Variants in SIPA1L3 observed in about 807,000 individuals in gnomAD.
SIPA1L3 encodes the protein signal-induced proliferation-associated 1-like protein 3.
SIPA1L3 carries 59 observed loss-of-function variants against 150.1 expected under a neutral mutation model. The observed-to-expected ratio is 0.39, with a 90% CI of 0.32 to 0.49. SIPA1L3 has a LOEUF of 0.49. Among genes scored for constraint, SIPA1L3 ranks in the 20% least tolerant of loss-of-function variants. The pLI, the probability that SIPA1L3 is intolerant of heterozygous loss-of-function variation, is 0.86. For synonymous variants in SIPA1L3, 1,070 were observed against 1,077.6 expected (o/e 0.99, Z 0.14); for missense variants, 2,211 against 2,489.5 (o/e 0.89, Z 2.38).
chr19:38,042,830 T>G (rs1968957854), intron 2 of SIPA1L3, among the ~76,000 whole-genome samples: 1 of 152,210 alleles, frequency 6.6e-6, no homozygotes, highest in Non-Finnish European at 1.5e-5. Flanking sequence ...ACCTCATTCA[T>G]TCATTCATTC....
chr19:38,194,369 A>AC (rs1600198065), intron 18 of SIPA1L3, among the ~76,000 whole-genome samples: 1 of 135,258 alleles, frequency 7.4e-6, no homozygotes, highest in Admixed American at 7.3e-5. Context: ...CCACCTCCTA[A>AC]CCCCCCCACA....
chr19:37,976,299 G>C (rs772451723), intron 1 of SIPA1L3, among the ~76,000 whole-genome samples: 6 of 151,966 alleles, frequency 3.9e-5, no homozygotes, highest in Admixed American at 6.6e-5. Context: ...TTCTCTCCCT[G>C]GGGTGGAAAG....
At chr19:37,941,645 CG>C in intron 1 of SIPA1L3, among the ~76,000 whole-genome samples, 1 of 152,220 alleles carries the variant, frequency 6.6e-6, no homozygotes, top group African/African-American at 2.4e-5. Context: ...TGGGGCCTTG[CG>C]GGTGTTTGTC....
intron 3 of SIPA1L3, among the ~76,000 whole-genome samples, chr19:38,087,189 T>C (rs373818056): frequency 1.3e-5 from 2 of 152,188 alleles, no homozygotes; most frequent in African/African-American, 4.8e-5. Context: ...AAATAAGTCA[T>C]TGGTCAGTGT....
chr19:37,982,114 A>C (rs948087402), intron 1 of SIPA1L3, among the ~76,000 whole-genome samples: 4 of 152,238 alleles, frequency 2.6e-5, no homozygotes, highest in Admixed American at 1.3e-4. Context: ...ACTGTGAGGG[A>C]CACAGTTGTA....
intron 15 of SIPA1L3, among the ~76,000 whole-genome samples, chr19:38,165,647 T>C (rs1204741247): frequency 6.6e-6 from 1 of 152,228 alleles, no homozygotes; most frequent in Non-Finnish European, 1.5e-5. Flanking sequence ...CTCTACCGTA[T>C]ACGGCGATGG....
chr19:37,949,801 G>A (rs952067555), intron 1 of SIPA1L3, among the ~76,000 whole-genome samples: 2 of 152,064 alleles, frequency 1.3e-5, no homozygotes, highest in African/African-American at 4.8e-5. Context: ...CACATTGGCC[G>A]GGTGCAGTGG....
intron 1 of SIPA1L3, among the ~76,000 whole-genome samples, chr19:37,935,237 T>G (rs1447312121): frequency 6.6e-6 from 1 of 152,228 alleles, no homozygotes; most frequent in African/African-American, 2.4e-5. Flanking sequence ...CTTAGCCAGA[T>G]TAGTTGTGTT....
At chr19:37,972,007 C>G (rs1406540711) in intron 1 of SIPA1L3, among the ~76,000 whole-genome samples, 39 of 152,076 alleles carry the variant, frequency 2.6e-4, no homozygotes, top group Admixed American at 2.5e-3. Context: ...TGGGTTGTTT[C>G]CACGTTTTAG....
chr19:38,068,884 G>A (rs1969655462), intron 2 of SIPA1L3, among the ~76,000 whole-genome samples: 1 of 152,094 alleles, frequency 6.6e-6, no homozygotes, highest in African/African-American at 2.4e-5. Context: ...ATTTAAAAAG[G>A]AAAAGAAGCC....
intron 2 of SIPA1L3, among the ~76,000 whole-genome samples, chr19:38,064,514 T>C (rs35486025): frequency 0.21 from 31,848 of 152,160 alleles, 3,533 homozygotes; most frequent in South Asian, 0.27. Context: ...CTGGCCAACA[T>C]GGCAAAACCC....
intron 1 of SIPA1L3, among the ~76,000 whole-genome samples, chr19:37,919,959 C>T (rs2046444662): frequency 6.6e-6 from 1 of 151,666 alleles, no homozygotes; most frequent in South Asian, 2.1e-4. Context: ...ATCTGCCCAC[C>T]TTGGCCTCCC....
chr19:38,077,922 C>T (rs922911069), intron 2 of SIPA1L3, among the ~76,000 whole-genome samples: 8 of 152,204 alleles, frequency 5.3e-5, no homozygotes, highest in Admixed American at 2.0e-4. Context: ...CCACTTACCT[C>T]GGCCTCCCAA....
At chr19:38,131,186 G>A (rs1283461419) in intron 10 of SIPA1L3, among the ~76,000 whole-genome samples, 1 of 152,234 alleles carries the variant, frequency 6.6e-6, no homozygotes, top group Non-Finnish European at 1.5e-5. Flanking sequence ...CTCCCTTGCG[G>A]TTTGTGTTCT....
chr19:38,039,598 G>A (rs865855122), intron 2 of SIPA1L3, among the ~76,000 whole-genome samples: 10 of 150,684 alleles, frequency 6.6e-5, no homozygotes, highest in Non-Finnish European at 1.5e-4. Flanking sequence ...GGAGGCTGAG[G>A]CAGGAGAATT....
At chr19:38,193,861 G>C in intron 18 of SIPA1L3, 81 bp downstream of exon 18, 1 of 1,406,718 alleles carries the variant, frequency 7.1e-7, no homozygotes, top group Non-Finnish European at 9.3e-7. Flanking sequence ...GGCTCACCTG[G>C]AGGTCAAAGG....
intron 9 of SIPA1L3, among the ~76,000 whole-genome samples, chr19:38,126,999 C>T (rs1971190271): frequency 6.6e-6 from 1 of 152,004 alleles, no homozygotes; most frequent in Non-Finnish European, 1.5e-5. Context: ...TCGACACCAG[C>T]CTGACCGACA....
intron 1 of SIPA1L3, among the ~76,000 whole-genome samples, chr19:38,018,279 G>A (rs1968287083): frequency 6.8e-6 from 1 of 147,866 alleles, no homozygotes; most frequent in African/African-American, 2.5e-5. Context: ...TTCTCATGCT[G>A]CAGCCTGCAG....
intron 1 of SIPA1L3, among the ~76,000 whole-genome samples, chr19:37,983,879 C>G (rs961618986): frequency 6.9e-6 from 1 of 145,870 alleles, no homozygotes; most frequent in African/African-American, 2.6e-5. Flanking sequence ...GCCCTCCAGC[C>G]TGGGTGACTG....
Sources: gnomAD v4.1 joint callset for allele counts (sites outside exome capture counted in the v4.1 genomes callset) on GRCh38, gnomAD v4.1.1 for gene constraint, MANE v1.5 for transcripts, NCBI Gene and HGNC (gene_info 2026-07-23, HGNC 2026-07-21) for gene names.